ANKS1B: variants seen among roughly 807,000 people sequenced by gnomAD.
ANKS1B encodes the protein ankyrin repeat and sterile alpha motif domain-containing protein 1B.
ANKS1B carries 36 observed loss-of-function variants against 148.3 expected under a neutral mutation model. The ratio of observed to expected loss-of-function variants is 0.24; its 90% confidence interval spans 0.19 to 0.32. The LOEUF (loss-of-function observed/expected upper bound fraction) is 0.32. ANKS1B is among the 10% of genes least tolerant of loss of function. The pLI is 1.00. For synonymous variants in ANKS1B, 542 were observed against 560.8 expected, an observed-to-expected ratio of 0.97 and a Z score of 0.47; for missense variants, 1,157 against 1,542.6, an observed-to-expected ratio of 0.75 and a Z score of 4.19.
At chr12:99,334,151 TAGACAGAC>T (rs750913591) in intron 12 of ANKS1B, among the ~76,000 whole-genome samples, 11 of 150,272 alleles carry the variant, frequency 7.3e-5, no homozygotes, top group East Asian at 5.9e-4. Flanking sequence ...GATAGATAGA[TAGACAGAC>T]AGACAGACAG....
intron 9 of ANKS1B, among the ~76,000 whole-genome samples, chr12:99,589,585 A>G (rs1349986034): frequency 6.6e-6 from 1 of 152,204 alleles, no homozygotes; most frequent in Non-Finnish European, 1.5e-5. Context: ...CTTTCTGGAA[A>G]ACAACTTGGC....
intron 1 of ANKS1B, among the ~76,000 whole-genome samples, chr12:99,920,939 G>T (rs1390544811): frequency 6.6e-6 from 1 of 152,146 alleles, no homozygotes; most frequent in East Asian, 1.9e-4. Context: ...GACAGACCTA[G>T]AAATAATGTT....
At chr12:99,017,627 T>G (rs1339135282) in intron 17 of ANKS1B, among the ~76,000 whole-genome samples, 1 of 152,126 alleles carries the variant, frequency 6.6e-6, no homozygotes, top group Non-Finnish European at 1.5e-5. Flanking sequence ...CCCTAACCAA[T>G]CAGTGGCACC....
intron 1 of ANKS1B, among the ~76,000 whole-genome samples, chr12:99,954,066 T>C (rs1385102702): frequency 6.6e-6 from 1 of 152,118 alleles, no homozygotes; most frequent in Non-Finnish European, 1.5e-5. Context: ...AAACAAAATA[T>C]GGATTTAGAA....
intron 1 of ANKS1B, among the ~76,000 whole-genome samples, chr12:99,950,973 T>G (rs1336199300): frequency 2.0e-5 from 3 of 152,234 alleles, no homozygotes; most frequent in African/African-American, 7.2e-5. Context: ...TAGAATTTCT[T>G]CATTCTGTCC....
intron 10 of ANKS1B, among the ~76,000 whole-genome samples, chr12:99,474,319 C>A (rs2096283586): frequency 6.6e-6 from 1 of 151,908 alleles, no homozygotes; most frequent in Admixed American, 6.6e-5. Flanking sequence ...CTTATCAAAC[C>A]ATTTTGCAAT....
intron 8 of ANKS1B, among the ~76,000 whole-genome samples, chr12:99,701,004 T>C (rs2054723649): frequency 6.6e-6 from 1 of 152,176 alleles, no homozygotes; most frequent in Non-Finnish European, 1.5e-5. Context: ...ATTCTGATTA[T>C]TTCTACAAAG....
At chr12:99,512,713 A>C (rs927802567) in intron 9 of ANKS1B, among the ~76,000 whole-genome samples, 5 of 152,132 alleles carry the variant, frequency 3.3e-5, no homozygotes, top group African/African-American at 1.2e-4. Flanking sequence ...ATGGAATACT[A>C]TGCAGCCATA....
At chr12:99,241,025 G>A (rs2089209729) in intron 14 of ANKS1B, among the ~76,000 whole-genome samples, 1 of 152,128 alleles carries the variant, frequency 6.6e-6, no homozygotes. Flanking sequence ...AAAGCTAGCA[G>A]AAGACAAGAA....
At chr12:98,771,429 C>A (rs2098567896) in intron 25 of ANKS1B, among the ~76,000 whole-genome samples, 1 of 151,886 alleles carries the variant, frequency 6.6e-6, no homozygotes, top group Non-Finnish European at 1.5e-5. Context: ...AACTTGGCAT[C>A]CCAAAGTACT....
chr12:99,672,504 A>G (rs2098542699), intron 8 of ANKS1B, among the ~76,000 whole-genome samples: 1 of 152,136 alleles, frequency 6.6e-6, no homozygotes, highest in Non-Finnish European at 1.5e-5. Context: ...TTGCATAAAG[A>G]CAAAACCTCT....
chr12:99,325,662 G>T (rs188048086), intron 12 of ANKS1B, among the ~76,000 whole-genome samples: 1 of 152,230 alleles, frequency 6.6e-6, no homozygotes, highest in East Asian at 1.9e-4. Flanking sequence ...CAGATCAGCT[G>T]CAGACAAACG....
intron 22 of ANKS1B, among the ~76,000 whole-genome samples, chr12:98,789,602 G>A (rs2098829977): frequency 6.6e-6 from 1 of 152,044 alleles, no homozygotes; most frequent in Admixed American, 6.5e-5. Flanking sequence ...TATACCCTTT[G>A]ATCCAGCCAT....
chr12:99,025,295 A>C (rs1424018364), intron 17 of ANKS1B, among the ~76,000 whole-genome samples: 1 of 152,222 alleles, frequency 6.6e-6, no homozygotes, highest in African/African-American at 2.4e-5. Context: ...AAAGTAAATC[A>C]AATGAGAATA....
chr12:98,948,771 C>T (rs910060366), intron 17 of ANKS1B, among the ~76,000 whole-genome samples: 5 of 146,604 alleles, frequency 3.4e-5, no homozygotes, highest in Admixed American at 2.0e-4. Context: ...ACCCACACCC[C>T]CCCCCACACA....
intron 17 of ANKS1B, among the ~76,000 whole-genome samples, chr12:98,867,539 T>G (rs926967400): frequency 6.6e-6 from 1 of 152,164 alleles, no homozygotes; most frequent in Non-Finnish European, 1.5e-5. Flanking sequence ...TTTCATAAAC[T>G]TCTTAGAACA....
chr12:99,928,347 C>T (rs2094527509), intron 1 of ANKS1B, among the ~76,000 whole-genome samples: 3 of 149,818 alleles, frequency 2.0e-5, no homozygotes, highest in African/African-American at 7.4e-5. Flanking sequence ...GGCGCAATCT[C>T]GGCTCACTGC....
chr12:99,637,078 G>A (rs1389885157), intron 9 of ANKS1B, among the ~76,000 whole-genome samples: 2 of 152,074 alleles, frequency 1.3e-5, no homozygotes, highest in African/African-American at 4.8e-5. Context: ...GGCCAAGGTG[G>A]GTGGATCATT....
chr12:99,175,989 G>A (rs1053215261), intron 14 of ANKS1B, among the ~76,000 whole-genome samples: 2 of 152,148 alleles, frequency 1.3e-5, no homozygotes, highest in Non-Finnish European at 2.9e-5. Flanking sequence ...TGGGATTACA[G>A]GTGCCCATCA....
Sources: allele counts gnomAD v4.1 joint callset (sites outside exome capture counted in the v4.1 genomes callset), GRCh38; gene constraint gnomAD v4.1.1; transcripts MANE v1.5; gene names NCBI Gene and HGNC (gene_info 2026-07-23, HGNC 2026-07-21).